The following JPT2 variants were observed in gnomAD, a reference collection of about 807,000 sequenced individuals.
JPT2 encodes the protein CRAMP_1 like.
In JPT2, 9 loss-of-function variants were observed where a neutral mutation model predicts 15.9. The observed-to-expected ratio is 0.57, with a 90% CI of 0.34 to 0.99. The LOEUF (loss-of-function observed/expected upper bound fraction) is 0.99, where lower values mean the gene tolerates loss of function less well. JPT2 is among the 50% of genes least tolerant of loss of function. The pLI, the probability that JPT2 is intolerant of heterozygous loss-of-function variation, is 0.02. For missense variants in JPT2, 267 were observed against 252.1 expected, an observed-to-expected ratio of 1.06 and a Z score of -0.40; for synonymous variants, 95 against 91.7, an observed-to-expected ratio of 1.04 and a Z score of -0.21.
Position 1,688,061 on chromosome 16 carries a change from G to A in JPT2, c.193+2474G>A, listed in dbSNP as rs552022315. Among the ~76,000 whole-genome samples the A allele has an allele frequency of 5.3e-5, 8 of 152,328 alleles. No individual in the cohort carries two copies. In the South Asian group the frequency reaches 1.7e-3, roughly 32 times the overall value. Reference sequence around the variant, plus strand: ...ACCTGGTTTAGATGTTCCATGAATTGTTCTTCCTCTTCTAGCAATGATGAC... The same window carrying A: ...ACCTGGTTTAGATGTTCCATGAATTATTCTTCCTCTTCTAGCAATGATGAC... On this transcript the variant is annotated intron_variant, in intron 2 of 4. Transcript: ENST00000248098.
At chr16:1,678,546 C>T (rs964884900) in intron 1 of JPT2, among the ~76,000 whole-genome samples, 190 bp downstream of exon 1, 3 of 152,122 alleles carry the variant, frequency 2.0e-5, no homozygotes, top group Non-Finnish European at 4.4e-5. Flanking sequence ...GCCCGAGGGG[C>T]CGCTCGCTGA....
At position 1,699,143 on chromosome 16, in the gene JPT2, T is replaced by TGAC. The variant is rs2037164249; in HGVS notation, c.*146_*148dup. Reference sequence around the variant, plus strand: ...GCTGCTCAGCGTCTCCTGGCCGTCATGACAGCTGCTTGGAGACCCGTGCCT... The same window carrying TGAC: ...GCTGCTCAGCGTCTCCTGGCCGTCATGACGACAGCTGCTTGGAGACCCGTGCCT... On this transcript the variant is annotated 3_prime_UTR_variant, in exon 5 of 5. Transcript: ENST00000248098. The TGAC allele has an allele frequency of 1.2e-6, 1 of 855,852 alleles. No homozygotes were observed. The highest frequency in any genetic ancestry group is 1.7e-5 in the African/African-American group (1 of 60,196). The allele number at this position is 855,852 out of a possible 1,614,324, so 53.0% of individuals were successfully genotyped here.
intron 3 of JPT2, among the ~76,000 whole-genome samples, chr16:1,692,945 A>G (rs1193569633): frequency 6.6e-6 from 1 of 152,206 alleles, no homozygotes; most frequent in Non-Finnish European, 1.5e-5. Flanking sequence ...AGGAGAGGAC[A>G]TGAGTGGATG....
intron 3 of JPT2, 158 bp downstream of exon 3, chr16:1,692,143 C>A: frequency 1.1e-6 from 1 of 931,616 alleles, no homozygotes; most frequent in Non-Finnish European, 1.6e-6. Flanking sequence ...TTTGGAAGTT[C>A]CCCTGAGTCA....
At chr16:1,680,503 C>T (rs2037014273) in intron 1 of JPT2, 1 of 1,245,956 alleles carries the variant, frequency 8.0e-7, no homozygotes, top group South Asian at 1.3e-5. Flanking sequence ...GATGAGGTAT[C>T]ACTGGAAGCT....
intron 3 of JPT2, among the ~76,000 whole-genome samples, chr16:1,693,947 C>T (rs1190581536): frequency 6.6e-6 from 1 of 151,934 alleles, no homozygotes; most frequent in African/African-American, 2.4e-5. Flanking sequence ...TTCCCGGCTT[C>T]CTATTGATAC....
intron 2 of JPT2, among the ~76,000 whole-genome samples, chr16:1,687,131 T>A (rs116540504): frequency 0.024 from 3,669 of 152,232 alleles, 152 homozygotes; most frequent in African/African-American, 0.083. Flanking sequence ...TACGGGCGTA[T>A]GCCACCATGC....
At chr16:1,681,054 C>T (rs1020924429) in intron 1 of JPT2, among the ~76,000 whole-genome samples, 3 of 152,112 alleles carry the variant, frequency 2.0e-5, no homozygotes, top group African/African-American at 7.2e-5. Flanking sequence ...CCACAAAAGG[C>T]AAAAAATAAT....
At chr16:1,682,638 C>T (rs1451568828) in intron 1 of JPT2, among the ~76,000 whole-genome samples, 1 of 151,494 alleles carries the variant, frequency 6.6e-6, no homozygotes, top group Non-Finnish European at 1.5e-5. Flanking sequence ...TGCCATTGCA[C>T]TCTGGCCTGG....
chr16:1,680,209 G>T, intron 1 of JPT2: 1 of 464,066 alleles, frequency 2.2e-6, no homozygotes, highest in Non-Finnish European at 2.8e-6. Context: ...GTGGGGGGAG[G>T]GACTGCATCC....
chr16:1,685,404 G>A (rs1223233211), intron 1 of JPT2, 35 bp from the exon 2 acceptor site: 2 of 1,609,166 alleles, frequency 1.2e-6, no homozygotes, highest in South Asian at 2.2e-5. Context: ...TTTCAGGTCT[G>A]CCATCAGTAA....
At chr16:1,678,612 C>T (rs1043574356) in intron 1 of JPT2, among the ~76,000 whole-genome samples, 2 of 152,166 alleles carry the variant, frequency 1.3e-5, no homozygotes, top group Admixed American at 6.5e-5. Context: ...GAGGGGCGCC[C>T]GGGCTCTGGG....
At chr16:1,693,701 C>G (rs1305624615) in intron 3 of JPT2, among the ~76,000 whole-genome samples, 1 of 151,622 alleles carries the variant, frequency 6.6e-6, no homozygotes, top group Admixed American at 6.6e-5. Context: ...GACCATTGGA[C>G]ATCGCTAGCA....
intron 3 of JPT2, among the ~76,000 whole-genome samples, chr16:1,696,642 C>T (rs1013228199): frequency 6.6e-6 from 1 of 152,070 alleles, no homozygotes; most frequent in Non-Finnish European, 1.5e-5. Context: ...AACGAAATAA[C>T]AAACCCAATT....
chr16:1,689,296 AC>A (rs2037088800), intron 2 of JPT2: 1 of 151,788 alleles, frequency 6.6e-6, no homozygotes, highest in Non-Finnish European at 1.5e-5. Context: ...TGGGGGTTGC[AC>A]ACACAGTTTT....
Position 1,685,559 on chromosome 16 carries a change from G to A in JPT2, c.165G>A (p.Gln55=). Residue 55 remains glutamine (Q), a synonymous_variant, in exon 2 of 5, where the codon CAG becomes CAA. Transcript: ENST00000248098. ...TTTTTGGACCAACAGAAGAACCTCA[G>A]AACATACCCAAGAGGACAAATCCCC... ...SNIFGPTEEP[Q]NIPKRTNPPG... The A allele has an allele frequency of 6.2e-7, 1 of 1,614,142 alleles. No homozygotes were observed. The highest frequency in any genetic ancestry group is 1.1e-5 in the South Asian group (1 of 91,076).
intron 1 of JPT2, chr16:1,680,705 T>G (rs1490313199): frequency 5.6e-6 from 1 of 177,936 alleles, no homozygotes; most frequent in Non-Finnish European, 1.2e-5. Flanking sequence ...AGGGATTGTC[T>G]TGTGTTAAAG....
chr16:1,702,063 A>G lies in JPT2; in HGVS notation c.*3065A>G, dbSNP rs2037183731. ...CCTGTGTAAAAAAATAAAATAAAAA[A>G]CAGATTGGATGTCTTTCTTCTGATG... On this transcript the variant is annotated 3_prime_UTR_variant, in exon 5 of 5. Transcript: ENST00000248098. 4.5e-6 allele frequency: 2 copies of G among 448,410 alleles called. No individual in the cohort carries two copies. The highest frequency in any genetic ancestry group is 2.4e-5 in the Admixed American group (1 of 41,904). The allele number at this position is 448,410 out of a possible 1,614,324, so 27.8% of individuals were successfully genotyped here.
chr16:1,687,662 C>A (rs142853391), intron 2 of JPT2, among the ~76,000 whole-genome samples: 6 of 152,338 alleles, frequency 3.9e-5, no homozygotes, highest in African/African-American at 1.4e-4. Flanking sequence ...TACTCCTGGT[C>A]ACAGTGTGTG....
Sources: gnomAD v4.1 joint callset for allele counts (sites outside exome capture counted in the v4.1 genomes callset) on GRCh38, gnomAD v4.1.1 for gene constraint, MANE v1.5 for transcripts, NCBI Gene and HGNC (gene_info 2026-07-23, HGNC 2026-07-21) for gene names.